Variants in PPP1R1C observed in about 807,000 individuals in gnomAD.
PPP1R1C encodes protein phosphatase 1 regulatory inhibitor subunit 1C.
A neutral mutation model predicts 17.4 loss-of-function variants in PPP1R1C; 15 were observed. That is an observed-to-expected ratio of 0.86 (90% CI 0.58 to 1.33). PPP1R1C has a LOEUF of 1.33. Ranked by LOEUF, PPP1R1C falls within the 40% of genes most tolerant of loss-of-function variation. The pLI, the probability that PPP1R1C is intolerant of heterozygous loss-of-function variation, is 0.00. For synonymous variants in PPP1R1C, 35 were observed against 43.1 expected, an observed-to-expected ratio of 0.81 and a Z score of 0.73; for missense variants, 143 against 130.0, an observed-to-expected ratio of 1.10 and a Z score of -0.48.
Position 182,090,289 on chromosome 2 carries a change from C to CTGTGTG in PPP1R1C, c.241+26520_241+26525dup, listed in dbSNP as rs142618201. Among the ~76,000 whole-genome samples the CTGTGTG allele has an allele frequency of 1.8e-3, 260 of 145,686 alleles. 3 individuals carry two copies. The highest frequency in any genetic ancestry group is 5.8e-3 in the African/African-American group (220 of 38,010). ...AAACAATTCTCTTGAACTATAAATT[C>CTGTGTG]TGTGTGTGTGTGTGTGTGTGTGTGT... On this transcript the variant is annotated intron_variant, in intron 4 of 4. Transcript: ENST00000682840.
At chr2:181,978,011 G>T (rs1287919944) in intron 2 of PPP1R1C, among the ~76,000 whole-genome samples, 2 of 152,152 alleles carry the variant, frequency 1.3e-5, no homozygotes, top group Non-Finnish European at 2.9e-5. Flanking sequence ...AGGTTTAATG[G>T]ACTCATGGTT....
intron 1 of PPP1R1C, among the ~76,000 whole-genome samples, chr2:181,972,545 G>A (rs1685030333): frequency 6.6e-6 from 1 of 151,976 alleles, no homozygotes; most frequent in South Asian, 2.1e-4. Flanking sequence ...GAGCAACAAA[G>A]CACTTGGAGG....
intron 2 of PPP1R1C, among the ~76,000 whole-genome samples, chr2:182,013,387 G>GA (rs1246052391): frequency 3.3e-5 from 5 of 152,064 alleles, no homozygotes; most frequent in African/African-American, 1.2e-4. Context: ...TTTCCATTGA[G>GA]AAGTCTGCTG....
intron 2 of PPP1R1C, among the ~76,000 whole-genome samples, chr2:182,058,222 A>G (rs763541287): frequency 5.3e-5 from 8 of 152,020 alleles, no homozygotes; most frequent in Admixed American, 2.0e-4. Context: ...ACAGTCTCTC[A>G]GACTTTTCTT....
intron 4 of PPP1R1C, among the ~76,000 whole-genome samples, chr2:182,114,642 A>T (rs1689529277): frequency 6.6e-6 from 1 of 152,084 alleles, no homozygotes. Context: ...ATTAGAGTAA[A>T]CTGCTTTGGG....
intron 1 of PPP1R1C, among the ~76,000 whole-genome samples, chr2:181,969,318 G>T (rs1365436685): frequency 6.6e-6 from 1 of 152,058 alleles, no homozygotes; most frequent in Non-Finnish European, 1.5e-5. Flanking sequence ...TTTTGTTTGG[G>T]AAAGTATTTA....
intron 2 of PPP1R1C, among the ~76,000 whole-genome samples, chr2:182,018,329 A>G (rs2125160827): frequency 6.6e-6 from 1 of 152,366 alleles, no homozygotes; most frequent in South Asian, 2.1e-4. Context: ...AATGAGAAAC[A>G]ATATAAAGGA....
intron 1 of PPP1R1C, among the ~76,000 whole-genome samples, chr2:181,957,000 G>GA (rs527595533): frequency 1.7e-3 from 252 of 152,232 alleles, no homozygotes; most frequent in African/African-American, 5.6e-3. Context: ...ATTGATTTGG[G>GA]ACCAGAAAAA....
At chr2:182,009,982 T>C (rs1686043152) in intron 2 of PPP1R1C, among the ~76,000 whole-genome samples, 1 of 152,122 alleles carries the variant, frequency 6.6e-6, no homozygotes, top group Non-Finnish European at 1.5e-5. Context: ...CATTGGTCTG[T>C]GTGTCTGTTT....
At chr2:182,074,149 C>T (rs1688223432) in intron 4 of PPP1R1C, among the ~76,000 whole-genome samples, 2 of 150,236 alleles carry the variant, frequency 1.3e-5, no homozygotes, top group East Asian at 4.0e-4. Context: ...TCACACCATT[C>T]TTCTGCCTCA....
rs554848749 is a variant in PPP1R1C at position 182,074,041 on chromosome 2, C to CTT, written c.241+10267_241+10268dup. Among the ~76,000 whole-genome samples, 60 of 131,144 alleles carry CTT rather than the reference C, an allele frequency of 4.6e-4. 1 individual carries two copies. Among genetic ancestry groups the CTT allele is most frequent in the African/African-American group, 1.4e-3 (52 of 36,014 alleles). 86.0% of individuals were successfully genotyped at this position (131,144 alleles called of 152,430 possible). ...GACAAAGTAGTTAAAAATTCTTCTT[C>CTT]TTTTTTTTTTTTTTTTTTGAGACGG... is the stretch of plus-strand genomic sequence containing the variant. On this transcript the variant is annotated intron_variant, in intron 4 of 4. Coordinates refer to ENST00000682840, the MANE Select transcript of PPP1R1C (RefSeq NM_001080545.3).
intron 5 of PPP1R1C, among the ~76,000 whole-genome samples, chr2:182,127,128 T>C (rs1490961694): frequency 6.6e-6 from 1 of 152,018 alleles, no homozygotes; most frequent in Non-Finnish European, 1.5e-5. Flanking sequence ...TCAGACAAAG[T>C]GTTAACTTAC....
At chr2:182,086,121 T>C (rs1367484430) in intron 4 of PPP1R1C, among the ~76,000 whole-genome samples, 1 of 151,998 alleles carries the variant, frequency 6.6e-6, no homozygotes, top group East Asian at 1.9e-4. Flanking sequence ...GAGGAAAATA[T>C]TGCAATAGCT....
chr2:182,042,201 A>G (rs1687206511), intron 2 of PPP1R1C, among the ~76,000 whole-genome samples: 1 of 152,222 alleles, frequency 6.6e-6, no homozygotes, highest in Non-Finnish European at 1.5e-5. Context: ...GTAAAATTTC[A>G]ATTAACATTA....
intron 4 of PPP1R1C, among the ~76,000 whole-genome samples, chr2:182,077,433 T>A (rs912396959): frequency 1.3e-5 from 2 of 152,182 alleles, no homozygotes; most frequent in Non-Finnish European, 2.9e-5. Context: ...TTAAGATTAA[T>A]TAATTGTTGA....
upstream of PPP1R1C, among the ~76,000 whole-genome samples, chr2:181,981,737 A>T (rs550683431): frequency 5.9e-5 from 9 of 152,320 alleles, 1 homozygote; most frequent in South Asian, 1.9e-3. Flanking sequence ...GTTTTCTTTG[A>T]TGGAGGAAAT....
intron 2 of PPP1R1C, among the ~76,000 whole-genome samples, chr2:182,024,952 CTT>C (rs527611180): frequency 7.4e-5 from 10 of 134,352 alleles, no homozygotes; most frequent in African/African-American, 8.9e-5. Context: ...ATATATTCTT[CTT>C]TTTTTTTTTT....
At chr2:182,044,182 T>C (rs1162672713) in intron 2 of PPP1R1C, among the ~76,000 whole-genome samples, 1 of 152,164 alleles carries the variant, frequency 6.6e-6, no homozygotes, top group East Asian at 1.9e-4. Context: ...ACTCCTCCAA[T>C]TCATTCTCCA....
chr2:182,019,578 A>C (rs1378022417), intron 2 of PPP1R1C, among the ~76,000 whole-genome samples: 2 of 152,218 alleles, frequency 1.3e-5, no homozygotes. Flanking sequence ...GGTTTATTAC[A>C]GAGAATGGGT....
Sources: gnomAD v4.1 joint callset for allele counts (sites outside exome capture counted in the v4.1 genomes callset) on GRCh38, gnomAD v4.1.1 for gene constraint, MANE v1.5 for transcripts, NCBI Gene and HGNC (gene_info 2026-07-23, HGNC 2026-07-21) for gene names.